The following FEM1B variants were observed in gnomAD, a reference collection of about 807,000 sequenced individuals.
FEM1B encodes the protein fem-1 homolog B.
A neutral mutation model predicts 38.6 loss-of-function variants in FEM1B; 10 were observed. That is an observed-to-expected ratio of 0.26 (90% CI 0.16 to 0.44). The LOEUF (loss-of-function observed/expected upper bound fraction) is 0.44. Among genes scored for constraint, FEM1B ranks in the 20% least tolerant of loss-of-function variants. The pLI is 1.00. For missense variants in FEM1B, 471 were observed against 786.7 expected (o/e 0.60, Z 4.80); for synonymous variants, 288 against 288.0 (o/e 1.00, Z 0.00).
rs1480382454 is a variant in FEM1B, at chr15:68,295,779, A to G, written c.*4537A>G. The G allele has an allele frequency of 6.6e-6, 1 of 152,208 alleles. No homozygotes were observed. Among genetic ancestry groups the G allele is most frequent in the Non-Finnish European group, 1.5e-5 (1 of 68,026 alleles). The allele number at this position is 152,208 out of a possible 1,614,324, so 9.4% of individuals were successfully genotyped here. A position where few individuals can be genotyped will look rare whatever the true frequency, so the allele number is the denominator to read the frequency against. On this transcript the variant is annotated 3_prime_UTR_variant, in exon 2 of 2. Coordinates refer to ENST00000306917, the MANE Select transcript of FEM1B (RefSeq NM_015322.5). ...TAGTTTCATGGCAATTGACAGTCCTAATAACTCAGCTAATTTGAAACTAAC... is the reference window on the plus strand; with the variant it reads ...TAGTTTCATGGCAATTGACAGTCCTGATAACTCAGCTAATTTGAAACTAAC...
In FEM1B at chr15:68,289,825, C is replaced by A; in HGVS notation, c.467C>A (p.Thr156Asn). The change falls in exon 2 of 2, where the codon ACC (threonine) becomes AAC (asparagine). Residue 156 changes from threonine to asparagine, a missense_variant. Transcript: ENST00000306917. The surrounding 1 kb of genome is among the most constrained non-coding windows in gnomAD (Gnocchi z 6.9). ...NISIANKYDN[T>N]CLMIAAYKGH... ...AGCATTGCCAACAAATATGACAACA[C>A]CTGCCTAATGATTGCGGCATATAAG... The A allele has an allele frequency of 6.2e-7, 1 of 1,614,032 alleles. No homozygotes were observed. Among genetic ancestry groups the A allele is most frequent in the Non-Finnish European group, 8.5e-7 (1 of 1,179,900 alleles).
Position 68,295,572 on chromosome 15 carries a change from G to T in FEM1B, c.*4330G>T, listed in dbSNP as rs1485167830. The stretch of plus-strand genomic sequence containing the variant: ...CTCCGTGCAGAGGAACTACACTGTT[G>T]TATTCTAGTAATTCACTGTGATTTA... On this transcript the variant is annotated 3_prime_UTR_variant, in exon 2 of 2. Coordinates refer to ENST00000306917, the MANE Select transcript of FEM1B (RefSeq NM_015322.5). 6.6e-6 allele frequency: 1 copy of T among 152,160 alleles called. No homozygotes were observed. Among genetic ancestry groups the T allele is most frequent in the East Asian group, 1.9e-4 (1 of 5,202 alleles). 9.4% of individuals were successfully genotyped at this position (152,160 alleles called of 1,614,324 possible). A position where few individuals can be genotyped will look rare whatever the true frequency, so the allele number is the denominator to read the frequency against.
In FEM1B at chr15:68,290,248, C is replaced by T; in HGVS notation, c.890C>T (p.Pro297Leu). 1 of 1,614,106 alleles carries T rather than the reference C, an allele frequency of 6.2e-7. No homozygotes were observed. The highest frequency in any genetic ancestry group is 8.5e-7 in the Non-Finnish European group (1 of 1,180,032). Residue 297 changes from proline (P) to leucine (L), a missense_variant, in exon 2 of 2, where the codon CCA becomes CTA. Transcript: ENST00000306917. This position sits in a 1 kb window ranked among gnomAD's most constrained non-coding sequence, Gnocchi z 9.7. ...GDNILEKEVLPPIHAYGNRTE... is the reference protein window; with the variant it reads ...GDNILEKEVLLPIHAYGNRTE... The stretch of plus-strand genomic sequence containing the variant: ...AACATTCTCGAAAAAGAGGTTCTTC[C>T]ACCAATCCATGCTTATGGGAATAGA...
Position 68,277,992 on chromosome 15 carries a change from G to T in FEM1B, c.-426G>T, listed in dbSNP as rs1021754268. On this transcript the variant is annotated 5_prime_UTR_variant, in exon 1 of 2. Transcript: ENST00000306917. ...CCTTAGGCCGGGTGGGCCGGGTCAG[G>T]AGAGACGCGCCCATCTTTCGCCATC... is the stretch of plus-strand genomic sequence containing the variant. 1 of 198,568 alleles carries T rather than the reference G, an allele frequency of 5.0e-6. No individual in the cohort carries two copies. The highest frequency in any genetic ancestry group is 8.0e-5 in the South Asian group (1 of 12,516). The allele number at this position is 198,568 out of a possible 1,614,324, so 12.3% of individuals were successfully genotyped here. A position where few individuals can be genotyped will look rare whatever the true frequency, so the allele number is the denominator to read the frequency against.
At position 68,278,950 on chromosome 15, in the gene FEM1B, C is replaced by CT. The variant is rs1892698251; in HGVS notation, c.248+286dup. On this transcript the variant is annotated intron_variant, in intron 1 of 1. Coordinates refer to ENST00000306917, the MANE Select transcript of FEM1B (RefSeq NM_015322.5). The surrounding 1 kb of genome is among the most constrained non-coding windows in gnomAD (Gnocchi z 5.7). ...ATAGTCGTCTTCTCTACTAGATAGT[C>CT]TGTGAACAAGCCATTTGGAGGAGGT... Among the ~76,000 whole-genome samples the CT allele has an allele frequency of 6.6e-6, 1 of 152,136 alleles. No individual in the cohort carries two copies. The highest frequency in any genetic ancestry group is 2.1e-4 in the South Asian group (1 of 4,820).
chr15:68,286,411 C>G (rs1016186428), intron 1 of FEM1B, among the ~76,000 whole-genome samples: 1 of 152,060 alleles, frequency 6.6e-6, no homozygotes, highest in Non-Finnish European at 1.5e-5. Flanking sequence ...GGTTCTCGCA[C>G]TGTTGCTCAG....
Position 68,291,268 on chromosome 15 carries a change from A to T in FEM1B, c.*26A>T, listed in dbSNP as rs1892844686. Reference sequence around the variant, plus strand: ...GTGACTGGATATGTAAAGTCGTTTAATGTGGTGCTAAAAAGTAAAGGACTT... The same window carrying T: ...GTGACTGGATATGTAAAGTCGTTTATTGTGGTGCTAAAAAGTAAAGGACTT... On this transcript the variant is annotated 3_prime_UTR_variant, in exon 2 of 2. Coordinates refer to ENST00000306917, the MANE Select transcript of FEM1B (RefSeq NM_015322.5). This position sits in a 1 kb window ranked among gnomAD's most constrained non-coding sequence, Gnocchi z 6.9. The T allele has an allele frequency of 6.6e-7, 1 of 1,514,194 alleles. No individual in the cohort carries two copies. The highest frequency in any genetic ancestry group is 1.4e-5 in the African/African-American group (1 of 71,518). The allele number at this position is 1,514,194 out of a possible 1,614,324, so 93.8% of individuals were successfully genotyped here.
At chr15:68,282,039 C>T (rs956586558) in intron 1 of FEM1B, among the ~76,000 whole-genome samples, 1 of 151,800 alleles carries the variant, frequency 6.6e-6, no homozygotes, top group African/African-American at 2.4e-5. Flanking sequence ...AAAGAAGATC[C>T]CTTAGTTGAA....
chr15:68,293,951 T>TTGA lies in FEM1B; in HGVS notation c.*2712_*2714dup, dbSNP rs1892875913. 1.3e-5 allele frequency: 2 copies of TTGA among 152,154 alleles called. No individual in the cohort carries two copies. The highest frequency in any genetic ancestry group is 1.3e-4 in the Admixed American group (2 of 15,274). 9.4% of individuals were successfully genotyped at this position (152,154 alleles called of 1,614,324 possible). A position where few individuals can be genotyped will look rare whatever the true frequency, so the allele number is the denominator to read the frequency against. The stretch of plus-strand genomic sequence containing the variant: ...TTATGCTTTGAATTGTAAATCTTCA[T>TTGA]TGATGGTATTACAGATTCAACCAAA... On this transcript the variant is annotated 3_prime_UTR_variant, in exon 2 of 2. Coordinates refer to ENST00000306917, the MANE Select transcript of FEM1B (RefSeq NM_015322.5). The surrounding 1 kb of genome is among the most constrained non-coding windows in gnomAD (Gnocchi z 5.8).
At position 68,288,495 on chromosome 15, in the gene FEM1B, T is replaced by G. The variant is rs1892812801; in HGVS notation, c.249-1112T>G. Among the ~76,000 whole-genome samples, 1 of 152,216 alleles carries G rather than the reference T, an allele frequency of 6.6e-6. No individual in the cohort carries two copies. Among genetic ancestry groups the G allele is most frequent in the South Asian group, 2.1e-4 (1 of 4,828 alleles). ...GCAAAAATCTACTTATCAGGTCTTTTGGTTAGTGGTAAGAAATTTAGAAAT... is the reference window on the plus strand; with the variant it reads ...GCAAAAATCTACTTATCAGGTCTTTGGGTTAGTGGTAAGAAATTTAGAAAT... On this transcript the variant is annotated intron_variant, in intron 1 of 1. Transcript: ENST00000306917. The surrounding 1 kb of genome is among the most constrained non-coding windows in gnomAD (Gnocchi z 4.6).
Position 68,289,338 on chromosome 15 carries a change from A to G in FEM1B, c.249-269A>G. On this transcript the variant is annotated intron_variant, in intron 1 of 1. Transcript: ENST00000306917. This position sits in a 1 kb window ranked among gnomAD's most constrained non-coding sequence, Gnocchi z 6.9. The stretch of plus-strand genomic sequence containing the variant: ...CTTCTGAAGTGTCTTTACTTTTGCT[A>G]GTAGAAAGTTCGTGATTTTTCAGGT... The G allele has an allele frequency of 2.8e-6, 1 of 362,218 alleles. No individual in the cohort carries two copies. The highest frequency in any genetic ancestry group is 5.0e-6 in the Non-Finnish European group (1 of 199,062). The allele number at this position is 362,218 out of a possible 1,614,324, so 22.4% of individuals were successfully genotyped here.
At chr15:68,286,245 T>C (rs1176486715) in intron 1 of FEM1B, among the ~76,000 whole-genome samples, 1 of 151,364 alleles carries the variant, frequency 6.6e-6, no homozygotes, top group Non-Finnish European at 1.5e-5. Flanking sequence ...CTGTTGATAA[T>C]ATTATTCTGT....
Position 68,290,313 on chromosome 15 carries a change from C to T in FEM1B, c.955C>T (p.Gln319Ter). Residue 319 changes from glutamine to a stop codon, truncating the protein, a stop_gained, in exon 2 of 2, where the codon CAA (glutamine) becomes TAA (stop). Transcript: ENST00000306917. LOFTEE classifies it high-confidence loss of function. The surrounding 1 kb of genome is among the most constrained non-coding windows in gnomAD (Gnocchi z 9.7). The part of the protein sequence containing the change: ...RNPQELESIR[Q>*]DRDALHMEGL... ...TCCTCAGGAACTGGAGTCCATTCGG[C>T]AAGACAGAGATGCTCTTCATATGGA... 6.2e-7 allele frequency: 1 copy of T among 1,614,054 alleles called. No individual in the cohort carries two copies. The highest frequency in any genetic ancestry group is 8.5e-7 in the Non-Finnish European group (1 of 1,179,970).
rs1892805541 is a variant in FEM1B at position 68,287,828 on chromosome 15, CTCT to C, written c.249-1777_249-1775del. Among the ~76,000 whole-genome samples the C allele has an allele frequency of 2.8e-5, 4 of 140,440 alleles. No homozygotes were observed. The South Asian group carries it at 6.7e-4, about 24-fold the overall frequency. The allele number at this position is 140,440 out of a possible 152,430, so 92.1% of individuals were successfully genotyped here. A position where few individuals can be genotyped will look rare whatever the true frequency, so the allele number is the denominator to read the frequency against. ...CAAGCCAGCGGAACGTTGCTAACGT[CTCT>C]TTTTTTTTTTTTTTTTTTTTTGAGA... On this transcript the variant is annotated intron_variant, in intron 1 of 1. Transcript: ENST00000306917.
At position 68,290,660 on chromosome 15, in the gene FEM1B, C is replaced by G. The variant is rs928740211; in HGVS notation, c.1302C>G (p.His434Gln). 14 of 1,610,796 alleles carry G rather than the reference C, an allele frequency of 8.7e-6. 1 individual carries two copies. The East Asian group carries it at 2.7e-4, about 31-fold the overall frequency. Residue 434 changes from histidine (H) to glutamine (Q), a missense_variant, in exon 2 of 2, where the codon CAC becomes CAG. His to Gln is a conservative substitution (Grantham distance 24, BLOSUM62 0). Coordinates refer to ENST00000306917, the MANE Select transcript of FEM1B (RefSeq NM_015322.5). This position sits in a 1 kb window ranked among gnomAD's most constrained non-coding sequence, Gnocchi z 9.7. The part of the protein sequence containing the change: ...RVKNISDADV[H>Q]NAMDNYECNL... ...AAAATATTTCAGATGCTGATGTCCA[C>G]AATGCTATGGACAATTATGAATGTA...
Position 68,294,785 on chromosome 15 carries a change from C to G in FEM1B, c.*3543C>G, listed in dbSNP as rs1282615750. 6.6e-6 allele frequency: 1 copy of G among 152,008 alleles called. No individual in the cohort carries two copies. The highest frequency in any genetic ancestry group is 2.4e-5 in the African/African-American group (1 of 41,424). The allele number at this position is 152,008 out of a possible 1,614,324, so 9.4% of individuals were successfully genotyped here. Reference sequence around the variant, plus strand: ...ATTAGATGTGTTGATGCACACATGACTATTCTGTTTTTCTCACTGACTATA... The same window carrying G: ...ATTAGATGTGTTGATGCACACATGAGTATTCTGTTTTTCTCACTGACTATA... On this transcript the variant is annotated 3_prime_UTR_variant, in exon 2 of 2. Coordinates refer to ENST00000306917, the MANE Select transcript of FEM1B (RefSeq NM_015322.5). This position sits in a 1 kb window ranked among gnomAD's most constrained non-coding sequence, Gnocchi z 4.4.
chr15:68,278,700 G>T lies in FEM1B; in HGVS notation c.248+35G>T, dbSNP rs745493809. On this transcript the variant is annotated intron_variant, in intron 1 of 1. Coordinates refer to ENST00000306917, the MANE Select transcript of FEM1B (RefSeq NM_015322.5). The surrounding 1 kb of genome is among the most constrained non-coding windows in gnomAD (Gnocchi z 5.7). ...TCCCAAGCCAGCCTCTCTCCGACGC[G>T]CGCGGACTCGTTAATTCACGGGCCC... is the stretch of plus-strand genomic sequence containing the variant. The T allele has an allele frequency of 1.3e-5, 21 of 1,609,808 alleles. No individual in the cohort carries two copies. The South Asian group carries it at 2.1e-4, about 16-fold the overall frequency.
rs1892734374 is a variant in FEM1B at position 68,282,015 on chromosome 15, CAT to C, written c.248+3351_248+3352del. Among the ~76,000 whole-genome samples, 3 of 152,084 alleles carry C rather than the reference CAT, an allele frequency of 2.0e-5. No individual in the cohort carries two copies. In the South Asian group the frequency reaches 6.2e-4, roughly 32 times the overall value. On this transcript the variant is annotated intron_variant, in intron 1 of 1. Coordinates refer to ENST00000306917, the MANE Select transcript of FEM1B (RefSeq NM_015322.5). ...GATGAGTGGACAAGAAGAAAAGTCACATGAGTGGGAATGAAAGAAGATCCCTT... is the reference window on the plus strand; with the variant it reads ...GATGAGTGGACAAGAAGAAAAGTCACGAGTGGGAATGAAAGAAGATCCCTT...
In FEM1B at chr15:68,293,310, A is replaced by G. The variant is rs1567115195; in HGVS notation, c.*2068A>G. Reference sequence around the variant, plus strand: ...GTTGGTTCCATTATTAATGTATATTATTTTTATTTAAACATCAAAACTTAA... The same window carrying G: ...GTTGGTTCCATTATTAATGTATATTGTTTTTATTTAAACATCAAAACTTAA... On this transcript the variant is annotated 3_prime_UTR_variant, in exon 2 of 2. Transcript: ENST00000306917. The surrounding 1 kb of genome is among the most constrained non-coding windows in gnomAD (Gnocchi z 5.8). The G allele has an allele frequency of 6.6e-6, 1 of 152,204 alleles. No individual in the cohort carries two copies. The highest frequency in any genetic ancestry group is 2.4e-5 in the African/African-American group (1 of 41,470). 9.4% of individuals were successfully genotyped at this position (152,204 alleles called of 1,614,324 possible). A position where few individuals can be genotyped will look rare whatever the true frequency, so the allele number is the denominator to read the frequency against.
Sources: gnomAD v4.1 joint callset for allele counts (sites outside exome capture counted in the v4.1 genomes callset) on GRCh38, gnomAD v4.1.1 for gene constraint, Gnocchi (gnomAD v3.1) non-coding constraint, MANE v1.5 for transcripts, NCBI Gene and HGNC (gene_info 2026-07-23, HGNC 2026-07-21) for gene names.